NRXN3: variants seen among roughly 807,000 people sequenced by gnomAD.
The protein encoded by NRXN3 is neurexin III.
Under a neutral mutation model 137.6 loss-of-function variants are expected in NRXN3, and 32 were observed. The ratio of observed to expected loss-of-function variants is 0.23; its 90% CI spans 0.18 to 0.31. The LOEUF is 0.31. Among genes scored for constraint, NRXN3 ranks in the 10% least tolerant of loss-of-function variants. The pLI is 1.00. For synonymous variants in NRXN3, 798 were observed against 784.5 expected (o/e 1.02, Z -0.29); for missense variants, 1,574 against 2,062.5 (o/e 0.76, Z 4.59).
intron 16 of NRXN3, among the ~76,000 whole-genome samples, chr14:79,537,204 T>C (rs1412399169): frequency 1.3e-5 from 2 of 152,174 alleles, no homozygotes; most frequent in African/African-American, 2.4e-5. Context: ...ATTTCTCTAA[T>C]GATCAGTGAT....
At chr14:78,911,263 G>A (rs575922577) in intron 10 of NRXN3, among the ~76,000 whole-genome samples, 24 of 152,284 alleles carry the variant, frequency 1.6e-4, no homozygotes, top group African/African-American at 5.3e-4. Context: ...CAGCTAGTAA[G>A]TTATAGAGTT....
At chr14:79,824,088 T>C (rs2099282105) in intron 20 of NRXN3, among the ~76,000 whole-genome samples, 1 of 152,218 alleles carries the variant, frequency 6.6e-6, no homozygotes, top group Non-Finnish European at 1.5e-5. Context: ...CTTCAGGTGT[T>C]GTGTACATAC....
chr14:78,354,079 C>T (rs2083931181), intron 4 of NRXN3, among the ~76,000 whole-genome samples: 1 of 152,062 alleles, frequency 6.6e-6, no homozygotes, highest in African/African-American at 2.4e-5. Context: ...CTTTTGTTGC[C>T]GTCTAATAGA....
intron 15 of NRXN3, among the ~76,000 whole-genome samples, chr14:79,327,249 A>G (rs912473785): frequency 3.3e-5 from 5 of 152,090 alleles, no homozygotes; most frequent in Non-Finnish European, 1.5e-5. Flanking sequence ...AGCTTGGAGG[A>G]GCCTATTACT....
At chr14:78,416,851 A>C (rs554381228) in intron 4 of NRXN3, among the ~76,000 whole-genome samples, 6 of 152,322 alleles carry the variant, frequency 3.9e-5, no homozygotes, top group African/African-American at 1.4e-4. Flanking sequence ...GTGAAATGCC[A>C]AACTTTACTC....
At chr14:78,879,358 G>A (rs1165275048) in intron 10 of NRXN3, among the ~76,000 whole-genome samples, 1 of 152,012 alleles carries the variant, frequency 6.6e-6, no homozygotes, top group East Asian at 1.9e-4. Flanking sequence ...CTACATCCTT[G>A]CTAATACTTA....
chr14:78,374,414 T>A (rs1463636105), intron 4 of NRXN3, among the ~76,000 whole-genome samples: 1 of 152,242 alleles, frequency 6.6e-6, no homozygotes. Flanking sequence ...TTAAATCTTG[T>A]CAAACTGTAT....
intron 10 of NRXN3, among the ~76,000 whole-genome samples, chr14:78,856,497 A>G (rs2099057421): frequency 6.6e-6 from 1 of 152,160 alleles, no homozygotes; most frequent in South Asian, 2.1e-4. Flanking sequence ...TATTTTATAA[A>G]TCCTTTGTAA....
chr14:79,697,522 T>C, intron 18 of NRXN3, 108 bp from the exon 19 acceptor site: 8 of 1,204,656 alleles, frequency 6.6e-6, no homozygotes, highest in Non-Finnish European at 9.2e-6. Context: ...TTTCCTCCCC[T>C]TCAATTGCTC....
intron 8 of NRXN3, among the ~76,000 whole-genome samples, chr14:78,747,505 T>C (rs896597092): frequency 6.6e-6 from 1 of 152,154 alleles, no homozygotes. Context: ...GCTTTAGTGG[T>C]ATTTACAGAG....
chr14:78,473,214 A>G (rs1291324504), intron 4 of NRXN3, among the ~76,000 whole-genome samples: 1 of 152,028 alleles, frequency 6.6e-6, no homozygotes, highest in East Asian at 1.9e-4. Context: ...CATCCTGGCT[A>G]ACATGGTGAA....
intron 15 of NRXN3, among the ~76,000 whole-genome samples, chr14:79,423,378 C>T (rs1217360643): frequency 1.3e-5 from 2 of 152,124 alleles, no homozygotes; most frequent in Non-Finnish European, 2.9e-5. Flanking sequence ...TTATCCCAAC[C>T]TATTGGGTAT....
chr14:79,378,125 T>G (rs1339931652), intron 15 of NRXN3, among the ~76,000 whole-genome samples: 2 of 152,224 alleles, frequency 1.3e-5, no homozygotes, highest in Non-Finnish European at 2.9e-5. Context: ...ATGTGCCCAC[T>G]GTTCTTTTGC....
intron 19 of NRXN3, among the ~76,000 whole-genome samples, chr14:79,750,180 G>A (rs2098992786): frequency 6.6e-6 from 1 of 152,126 alleles, no homozygotes; most frequent in Admixed American, 6.6e-5. Context: ...AGTACTTAGG[G>A]TTGGTTGGAG....
At chr14:79,210,588 T>C (rs554857320) in intron 15 of NRXN3, among the ~76,000 whole-genome samples, 3 of 152,286 alleles carry the variant, frequency 2.0e-5, no homozygotes, top group Admixed American at 6.5e-5. Flanking sequence ...GAGATATTAT[T>C]AGTCTCATTA....
At chr14:79,230,250 G>A (rs986513738) in intron 15 of NRXN3, among the ~76,000 whole-genome samples, 1 of 152,074 alleles carries the variant, frequency 6.6e-6, no homozygotes, top group African/African-American at 2.4e-5. Flanking sequence ...CCTGGTGTGA[G>A]AGGAACATGT....
At chr14:79,614,217 G>A (rs894132066) in intron 16 of NRXN3, among the ~76,000 whole-genome samples, 9 of 152,166 alleles carry the variant, frequency 5.9e-5, no homozygotes, top group Non-Finnish European at 1.0e-4. Flanking sequence ...TATACAAAGT[G>A]TTTGAAGTAA....
intron 4 of NRXN3, among the ~76,000 whole-genome samples, chr14:78,470,710 A>G (rs1881184892): frequency 6.6e-6 from 1 of 151,712 alleles, no homozygotes; most frequent in South Asian, 2.1e-4. Context: ...ATGGGGAGGA[A>G]ATAAAGAAGA....
chr14:79,800,114 G>A (rs534936468), intron 19 of NRXN3, among the ~76,000 whole-genome samples: 1 of 152,292 alleles, frequency 6.6e-6, no homozygotes, highest in African/African-American at 2.4e-5. Context: ...ATTTGACATA[G>A]GGGAACCATC....
Sources: allele counts gnomAD v4.1 joint callset (sites outside exome capture counted in the v4.1 genomes callset), GRCh38; gene constraint gnomAD v4.1.1; transcripts MANE v1.5; gene names NCBI Gene and HGNC (gene_info 2026-07-23, HGNC 2026-07-21).